Variants in CHST11 observed in about 807,000 individuals in gnomAD.
CHST11 encodes the protein carbohydrate sulfotransferase 11, also known as C4S-1.
CHST11 carries 9 observed loss-of-function variants against 30.4 expected under a neutral mutation model. That is an observed-to-expected ratio of 0.30 (90% CI 0.18 to 0.52). The LOEUF is 0.52. CHST11 is among the 20% of genes least tolerant of loss of function. The pLI, the probability that CHST11 is intolerant of heterozygous loss-of-function variation, is 0.97. For synonymous variants in CHST11, 152 were observed against 187.8 expected (o/e 0.81, Z 1.56); for missense variants, 348 against 460.6 (o/e 0.76, Z 2.24).
chr12:104,657,950 TTGAA>T (rs1336488728), intron 2 of CHST11, among the ~76,000 whole-genome samples: 1 of 152,180 alleles, frequency 6.6e-6, no homozygotes, highest in Admixed American at 6.5e-5. Flanking sequence ...GAGGGGGATT[TTGAA>T]GGTAGCAGGG....
At chr12:104,566,014 C>A (rs1290885503) in intron 1 of CHST11, among the ~76,000 whole-genome samples, 2 of 152,176 alleles carry the variant, frequency 1.3e-5, no homozygotes, top group Non-Finnish European at 2.9e-5. Context: ...TCCCCTTTTG[C>A]CTCCATTCCT....
intron 1 of CHST11, among the ~76,000 whole-genome samples, chr12:104,590,020 A>G (rs1460215220): frequency 3.4e-5 from 5 of 146,226 alleles, no homozygotes; most frequent in South Asian, 4.4e-4. Context: ...AAATTAAATA[A>G]ATAAATAAAT....
At chr12:104,746,240 A>G (rs2040388264) in intron 2 of CHST11, among the ~76,000 whole-genome samples, 2 of 152,078 alleles carry the variant, frequency 1.3e-5, no homozygotes, top group Admixed American at 1.3e-4. Flanking sequence ...ATTCATTTCT[A>G]TTTCCTGATG....
rs765027997 is a variant in CHST11, at chr12:104,756,967, G to A, written c.223G>A (p.Ala75Thr). The change falls in exon 3 of 3, where the codon GCT becomes ACT. Residue 75 changes from alanine (A) to threonine (T), a missense_variant. Transcript: ENST00000303694. Reference protein sequence around the residue: ...NPIQLELSNTAVLHQMRRDQV... With the variant: ...NPIQLELSNTTVLHQMRRDQV... ...TCTGCAGCTGGAGCTCTCAAACACT[G>A]CTGTCCTGCACCAGATGCGGCGGGA... is the stretch of plus-strand genomic sequence containing the variant. 2 of 1,613,188 alleles carry A rather than the reference G, an allele frequency of 1.2e-6. No individual in the cohort carries two copies. The highest frequency in any genetic ancestry group is 1.1e-5 in the South Asian group (1 of 91,048).
At chr12:104,503,475 C>T (rs778279868) in intron 1 of CHST11, among the ~76,000 whole-genome samples, 21 of 152,236 alleles carry the variant, frequency 1.4e-4, no homozygotes, top group Non-Finnish European at 2.5e-4. Context: ...TAATACCCAC[C>T]TTCTAAAGTG....
chr12:104,697,443 T>C (rs74995268), intron 2 of CHST11, among the ~76,000 whole-genome samples: 4,932 of 152,266 alleles, frequency 0.032, 238 homozygotes, highest in East Asian at 0.25. Context: ...TCTCTTTTCT[T>C]GAGCTGGGAC....
intron 2 of CHST11, among the ~76,000 whole-genome samples, chr12:104,725,968 C>G (rs950458063): frequency 6.6e-6 from 1 of 152,120 alleles, no homozygotes; most frequent in African/African-American, 2.4e-5. Context: ...AAGATGTGGC[C>G]AGACCACACG....
intron 2 of CHST11, among the ~76,000 whole-genome samples, chr12:104,626,786 C>T (rs1009796255): frequency 2.0e-5 from 3 of 151,870 alleles, no homozygotes; most frequent in Admixed American, 2.0e-4. Flanking sequence ...CAGACATGCA[C>T]GGCCTCCCCC....
At chr12:104,644,392 T>G (rs940436455) in intron 2 of CHST11, among the ~76,000 whole-genome samples, 1 of 152,194 alleles carries the variant, frequency 6.6e-6, no homozygotes, top group Non-Finnish European at 1.5e-5. Context: ...TCTCCTTGGT[T>G]CCAGCCCTCA....
intron 2 of CHST11, among the ~76,000 whole-genome samples, chr12:104,753,350 TAGTC>T (rs138396538): frequency 0.013 from 1,928 of 152,318 alleles, 41 homozygotes; most frequent in African/African-American, 0.044. Context: ...TTAAAGAAGT[TAGTC>T]AGTGTGAAGC....
intron 1 of CHST11, among the ~76,000 whole-genome samples, chr12:104,568,789 A>G (rs1301343230): frequency 3.9e-5 from 6 of 152,208 alleles, no homozygotes; most frequent in African/African-American, 1.4e-4. Flanking sequence ...CTGGGATCCA[A>G]TCCCAGGCAA....
At position 104,757,320 on chromosome 12, in the gene CHST11, A is replaced by T; in HGVS notation, c.576A>T (p.Leu192=). 2 of 1,614,152 alleles carry T rather than the reference A, an allele frequency of 1.2e-6. No individual in the cohort carries two copies. The highest frequency in any genetic ancestry group is 1.7e-6 in the Non-Finnish European group (2 of 1,180,034). The change falls in exon 3 of 3, where the codon CTA becomes CTT. Residue 192 remains leucine (L), a synonymous_variant. Transcript: ENST00000303694. The surrounding 1 kb of genome is among the most constrained non-coding windows in gnomAD (Gnocchi z 6.5). ...TTGTCCGGGAGCCCTTCGAGAGGCT[A>T]GTGTCCGCCTACCGCAACAAGTTCA... is the stretch of plus-strand genomic sequence containing the variant. ...FLFVREPFER[L]VSAYRNKFTQ...
chr12:104,465,707 C>A (rs951530368), intron 1 of CHST11, among the ~76,000 whole-genome samples: 1 of 152,166 alleles, frequency 6.6e-6, no homozygotes, highest in African/African-American at 2.4e-5. Context: ...ACCACCCAAT[C>A]CATGTGCGCA....
chr12:104,605,119 G>A (rs939318547), intron 2 of CHST11, among the ~76,000 whole-genome samples: 26 of 122,168 alleles, frequency 2.1e-4, no homozygotes, highest in Admixed American at 2.0e-3. Context: ...TACTAGCAAA[G>A]TTCTCTTGGT....
chr12:104,459,506 T>G (rs1482452022), intron 1 of CHST11, among the ~76,000 whole-genome samples: 1 of 152,256 alleles, frequency 6.6e-6, no homozygotes, highest in East Asian at 1.9e-4. Context: ...CGCTTGAGCT[T>G]CTGTGTACCT....
At chr12:104,513,051 G>A (rs1393322171) in intron 1 of CHST11, among the ~76,000 whole-genome samples, 1 of 148,936 alleles carries the variant, frequency 6.7e-6, no homozygotes, top group Admixed American at 6.8e-5. Context: ...CCTGAGTCTA[G>A]GTATGCAGGT....
intron 2 of CHST11, among the ~76,000 whole-genome samples, chr12:104,647,946 C>G (rs2696003): frequency 0.33 from 50,462 of 152,060 alleles, 8,940 homozygotes; most frequent in African/African-American, 0.46. Flanking sequence ...ATGGTGGCTG[C>G]CTTCCCCAAG....
chr12:104,494,038 G>T (rs1171712957), intron 1 of CHST11, among the ~76,000 whole-genome samples: 1 of 152,134 alleles, frequency 6.6e-6, no homozygotes, highest in Admixed American at 6.5e-5. Context: ...GAATTTCCGG[G>T]CTCAAGCAAG....
At chr12:104,673,975 G>A (rs1036559324) in intron 2 of CHST11, among the ~76,000 whole-genome samples, 1 of 152,224 alleles carries the variant, frequency 6.6e-6, no homozygotes, top group African/African-American at 2.4e-5. Flanking sequence ...ATGGCTGCTC[G>A]GTTTTCCTCT....
Sources: gnomAD v4.1 joint callset for allele counts (sites outside exome capture counted in the v4.1 genomes callset) on GRCh38, gnomAD v4.1.1 for gene constraint, Gnocchi (gnomAD v3.1) non-coding constraint, MANE v1.5 for transcripts, NCBI Gene and HGNC (gene_info 2026-07-23, HGNC 2026-07-21) for gene names.